The following FGF14 variants were observed in gnomAD, a reference collection of about 807,000 sequenced individuals.
FGF14 encodes fibroblast growth factor 14.
In FGF14, 5 loss-of-function variants were observed where a neutral mutation model predicts 25.5. The ratio of observed to expected loss-of-function variants is 0.20; its 90% confidence interval spans 0.10 to 0.41. The LOEUF (loss-of-function observed/expected upper bound fraction) is 0.41, where lower values mean the gene tolerates loss of function less well. FGF14 is among the 10% of genes least tolerant of loss of function. FGF14 has a pLI of 1.00. For synonymous variants in FGF14, 138 were observed against 118.3 expected, an observed-to-expected ratio of 1.17 and a Z score of -1.08; for missense variants, 222 against 320.1, an observed-to-expected ratio of 0.69 and a Z score of 2.34.
chr13:101,867,668 C>T lies in FGF14; in HGVS notation c.408+1057G>A, dbSNP rs577865422. Among the ~76,000 whole-genome samples the T allele has an allele frequency of 3.3e-5, 5 of 152,110 alleles. No individual in the cohort carries two copies. The South Asian group carries it at 8.3e-4, about 25-fold the overall frequency. On this transcript the variant is annotated intron_variant, in intron 3 of 4. Transcript: ENST00000376143. ...TCCTGCTGGCAACATGCTGCATATTCGTCTTGTGCGAGAGAACACAATTTG... is the reference window on the plus strand; with the variant it reads ...TCCTGCTGGCAACATGCTGCATATTTGTCTTGTGCGAGAGAACACAATTTG...
At chr13:102,238,478 A>G (rs2051432770) in intron 1 of FGF14, among the ~76,000 whole-genome samples, 1 of 152,242 alleles carries the variant, frequency 6.6e-6, no homozygotes, top group South Asian at 2.1e-4. Flanking sequence ...TTCCATTAAA[A>G]GCCATTTATA....
At chr13:102,272,579 A>T (rs1194609894) in intron 1 of FGF14, among the ~76,000 whole-genome samples, 2 of 152,202 alleles carry the variant, frequency 1.3e-5, no homozygotes, top group Admixed American at 1.3e-4. Flanking sequence ...ACGGCACACA[A>T]GGTCCTGTCC....
At chr13:101,784,956 T>C (rs539128383) in intron 3 of FGF14, among the ~76,000 whole-genome samples, 8 of 152,292 alleles carry the variant, frequency 5.3e-5, no homozygotes, top group Non-Finnish European at 1.2e-4. Flanking sequence ...CAGACATCTA[T>C]TTCATGCATA....
intron 3 of FGF14, among the ~76,000 whole-genome samples, chr13:101,807,962 A>G (rs138474393): frequency 0.012 from 1,895 of 152,196 alleles, 42 homozygotes; most frequent in African/African-American, 0.044. Flanking sequence ...TAGACACCAG[A>G]AATTATTTGT....
intron 1 of FGF14, among the ~76,000 whole-genome samples, chr13:101,952,762 G>A (rs893220541): frequency 4.6e-5 from 7 of 152,142 alleles, no homozygotes; most frequent in Non-Finnish European, 1.0e-4. Context: ...CAGGTGTGGT[G>A]GCCCACGCCT....
At chr13:102,356,475 G>A (rs2057420429) in intron 1 of FGF14, among the ~76,000 whole-genome samples, 1 of 152,192 alleles carries the variant, frequency 6.6e-6, no homozygotes, top group Non-Finnish European at 1.5e-5. Context: ...AGGTTCATAT[G>A]TCAGTCAACC....
At chr13:101,762,448 A>C (rs1304562079) in intron 3 of FGF14, among the ~76,000 whole-genome samples, 3 of 152,196 alleles carry the variant, frequency 2.0e-5, no homozygotes, top group African/African-American at 4.8e-5. Context: ...ATTCAAGTAA[A>C]TCAAGCAAAG....
intron 1 of FGF14, among the ~76,000 whole-genome samples, chr13:102,335,047 A>G (rs2056752464): frequency 6.6e-6 from 1 of 151,988 alleles, no homozygotes; most frequent in South Asian, 2.1e-4. Context: ...ATCAAACCCT[A>G]CTTTCCTATA....
intron 1 of FGF14, among the ~76,000 whole-genome samples, chr13:102,008,205 G>A (rs1199264846): frequency 1.3e-5 from 2 of 152,164 alleles, no homozygotes; most frequent in Non-Finnish European, 2.9e-5. Context: ...CGTATGCATG[G>A]GCTGCTAGAG....
At chr13:102,337,064 G>A (rs1196687062) in intron 1 of FGF14, among the ~76,000 whole-genome samples, 2 of 152,170 alleles carry the variant, frequency 1.3e-5, no homozygotes, top group Non-Finnish European at 2.9e-5. Context: ...CCATCAGTCA[G>A]GGAATCATTT....
At chr13:102,191,097 A>G (rs918087925) in intron 1 of FGF14, among the ~76,000 whole-genome samples, 1 of 152,158 alleles carries the variant, frequency 6.6e-6, no homozygotes, top group African/African-American at 2.4e-5. Flanking sequence ...GGAAACCTCT[A>G]CTAGTAGGGC....
intron 1 of FGF14, among the ~76,000 whole-genome samples, chr13:102,117,402 C>T (rs1185272704): frequency 6.6e-6 from 1 of 152,142 alleles, no homozygotes; most frequent in Non-Finnish European, 1.5e-5. Context: ...TTCTAAGCAC[C>T]TGACTTTTAA....
At chr13:101,955,549 A>C (rs1434046564) in intron 1 of FGF14, among the ~76,000 whole-genome samples, 1 of 152,224 alleles carries the variant, frequency 6.6e-6, no homozygotes, top group African/African-American at 2.4e-5. Context: ...AATATTATAA[A>C]ATGCATAGGT....
At chr13:102,234,976 A>G (rs1012600954) in intron 1 of FGF14, among the ~76,000 whole-genome samples, 5 of 152,196 alleles carry the variant, frequency 3.3e-5, no homozygotes, top group Admixed American at 1.3e-4. Context: ...ATGTGCAGCT[A>G]TATCTCAGGT....
chr13:102,161,613 G>GTACCCC (rs2047689839), intron 1 of FGF14, among the ~76,000 whole-genome samples: 1 of 3,334 alleles, frequency 3.0e-4, no homozygotes, highest in African/African-American at 2.4e-3. Context: ...AGAAGAAGAA[G>GTACCCC]AAGAAGAAGA....
chr13:101,787,107 A>G (rs899662980), intron 3 of FGF14, among the ~76,000 whole-genome samples: 1 of 152,206 alleles, frequency 6.6e-6, no homozygotes. Context: ...TTCAAAATAT[A>G]TAATAAGCAA....
intron 1 of FGF14, among the ~76,000 whole-genome samples, chr13:102,020,462 C>G (rs1378558154): frequency 6.6e-6 from 1 of 151,940 alleles, no homozygotes; most frequent in Non-Finnish European, 1.5e-5. Flanking sequence ...GCAGGAGAAT[C>G]GCTTAAATCT....
At chr13:102,192,275 T>C (rs1256681636) in intron 1 of FGF14, among the ~76,000 whole-genome samples, 1 of 152,206 alleles carries the variant, frequency 6.6e-6, no homozygotes, top group East Asian at 1.9e-4. Flanking sequence ...TGGCAGCCTT[T>C]ATTTCATCTC....
chr13:101,748,786 A>G (rs956185449), intron 3 of FGF14, among the ~76,000 whole-genome samples: 6 of 150,006 alleles, frequency 4.0e-5, no homozygotes, highest in African/African-American at 1.2e-4. Flanking sequence ...TAGAATTACT[A>G]TATAATCCAG....
Sources: gnomAD v4.1 joint callset for allele counts (sites outside exome capture counted in the v4.1 genomes callset) on GRCh38, gnomAD v4.1.1 for gene constraint, MANE v1.5 for transcripts, NCBI Gene and HGNC (gene_info 2026-07-23, HGNC 2026-07-21) for gene names.